PLEKHA1: variants seen among roughly 807,000 people sequenced by gnomAD.
PLEKHA1 encodes the protein pleckstrin homology domain-containing family A member 1.
PLEKHA1 carries 34 observed loss-of-function variants against 52.0 expected under a neutral mutation model. That is an observed-to-expected ratio of 0.65 (90% CI 0.50 to 0.87). PLEKHA1 has a LOEUF of 0.87. Ranked by LOEUF, PLEKHA1 falls within the 40% of genes least tolerant of loss-of-function variation. The pLI, the probability that PLEKHA1 is intolerant of heterozygous loss-of-function variation, is 0.00. For synonymous variants in PLEKHA1, 163 were observed against 170.7 expected, an observed-to-expected ratio of 0.95 and a Z score of 0.35; for missense variants, 497 against 504.2, an observed-to-expected ratio of 0.99 and a Z score of 0.14.
downstream of PLEKHA1, chr10:122,434,211 T>G (rs553167051): frequency 1.5e-4 from 23 of 152,338 alleles, no homozygotes; most frequent in Admixed American, 2.6e-4. Flanking sequence ...TAGCTGTGTT[T>G]TCTGGATACA....
At chr10:122,434,726 AC>A (rs2097432113), downstream of PLEKHA1, 1 of 26,432 alleles carries the variant, frequency 3.8e-5, no homozygotes, top group Non-Finnish European at 7.0e-5. Flanking sequence ...CCCTCCCCCC[AC>A]CCCCCAACAG....
chr10:122,395,772 C>T (rs567062744), intron 2 of PLEKHA1, among the ~76,000 whole-genome samples: 1 of 152,130 alleles, frequency 6.6e-6, no homozygotes, highest in South Asian at 2.1e-4. Flanking sequence ...TTTAAAAATT[C>T]TTTCTAGTGT....
chr10:122,384,608 CAAA>C lies in PLEKHA1; in HGVS notation c.-20-8556_-20-8554del, dbSNP rs59343401. 5.2e-3 allele frequency among the ~76,000 whole-genome samples: 615 copies of C among 118,946 alleles called. 3 individuals are homozygous for C. Among genetic ancestry groups the C allele is most frequent in the Admixed American group, 7.4e-3 (85 of 11,544 alleles). The allele number at this position is 118,946 out of a possible 152,430, so 78.0% of individuals were successfully genotyped here. The stretch of plus-strand genomic sequence containing the variant: ...TGGGTGACAGAGCGAGACTCTGTCT[CAAA>C]AAAAAAAAAAAAAAAATGACTTGTA... On this transcript the variant is annotated intron_variant, in intron 1 of 11. Coordinates refer to ENST00000368990, the MANE Select transcript of PLEKHA1 (RefSeq NM_001001974.4).
chr10:122,396,910 ATATAT>A (rs1479887031), intron 2 of PLEKHA1, among the ~76,000 whole-genome samples: 2 of 151,938 alleles, frequency 1.3e-5, no homozygotes, highest in Non-Finnish European at 2.9e-5. Context: ...TTATTATAAG[ATATAT>A]TATAAAAAGA....
rs2097302871 is a variant in PLEKHA1, at chr10:122,424,171, G to GGT, written c.682-28_682-27insGT. On this transcript the variant is annotated intron_variant, in intron 8 of 11. Coordinates refer to ENST00000368990, the MANE Select transcript of PLEKHA1 (RefSeq NM_001001974.4). Reference sequence around the variant, plus strand: ...TTTTAAGAATAAACATCATGTAACTGTTTTTTTTTTTTTTTTTTTTTTGCC... The same window carrying GGT: ...TTTTAAGAATAAACATCATGTAACTGGTTTTTTTTTTTTTTTTTTTTTTTGCC... 2.0e-5 allele frequency: 19 copies of GGT among 953,374 alleles called. No homozygotes were observed. In the East Asian group the frequency reaches 7.1e-4, roughly 36 times the overall value. The allele number at this position is 953,374 out of a possible 1,614,324, so 59.1% of individuals were successfully genotyped here. A position where few individuals can be genotyped will look rare whatever the true frequency, so the allele number is the denominator to read the frequency against.
chr10:122,417,645 CAA>C (rs373627172), intron 7 of PLEKHA1, among the ~76,000 whole-genome samples: 1,195 of 94,196 alleles, frequency 0.013, 8 homozygotes, highest in Non-Finnish European at 0.018. Context: ...GACTCTGTCT[CAA>C]AAAAAAAAAA....
chr10:122,423,133 AG>A (rs1200641112), intron 8 of PLEKHA1: 61 of 151,082 alleles, frequency 4.0e-4, no homozygotes, highest in Admixed American at 7.9e-4. Context: ...TTTTTAAAAA[AG>A]CACTCCCAGC....
intron 1 of PLEKHA1, among the ~76,000 whole-genome samples, chr10:122,379,037 A>G (rs1381606547): frequency 6.6e-6 from 1 of 152,200 alleles, no homozygotes; most frequent in Non-Finnish European, 1.5e-5. Flanking sequence ...TAACAGTGGC[A>G]GGCCATTGCA....
intron 5 of PLEKHA1, 95 bp downstream of exon 5, chr10:122,406,768 A>C: frequency 2.2e-6 from 2 of 909,842 alleles, no homozygotes; most frequent in Non-Finnish European, 3.5e-6. Flanking sequence ...GCTTACCAAC[A>C]GGTTTCATAC....
chr10:122,395,720 C>A (rs1204709321), intron 2 of PLEKHA1, among the ~76,000 whole-genome samples: 1 of 152,092 alleles, frequency 6.6e-6, no homozygotes, highest in African/African-American at 2.4e-5. Context: ...TAGGAAGCCA[C>A]TTCTTCCCCT....
At chr10:122,421,963 G>A (rs895213616) in intron 8 of PLEKHA1, 1 of 151,844 alleles carries the variant, frequency 6.6e-6, no homozygotes, top group Non-Finnish European at 1.5e-5. Context: ...TACAAGCTGA[G>A]CTCAGAAAGT....
intron 3 of PLEKHA1, among the ~76,000 whole-genome samples, chr10:122,398,691 GTAT>G (rs1488049259): frequency 6.6e-6 from 1 of 151,926 alleles, no homozygotes; most frequent in Non-Finnish European, 1.5e-5. Flanking sequence ...GGTAGCAACA[GTAT>G]TATTAAATAA....
chr10:122,391,834 T>G (rs74159126), intron 1 of PLEKHA1, among the ~76,000 whole-genome samples: 9,406 of 152,134 alleles, frequency 0.062, 1,017 homozygotes, highest in African/African-American at 0.22. Context: ...ACACACAAAC[T>G]TATTGGATGG....
intron 8 of PLEKHA1, chr10:122,418,709 A>T (rs960907672): frequency 3.9e-5 from 6 of 152,174 alleles, no homozygotes; most frequent in African/African-American, 7.2e-5. Flanking sequence ...GCCTTGTTTG[A>T]GTTGCATCCT....
chr10:122,406,207 C>G (rs2097012365), intron 4 of PLEKHA1, among the ~76,000 whole-genome samples: 1 of 151,936 alleles, frequency 6.6e-6, no homozygotes, highest in African/African-American at 2.4e-5. Flanking sequence ...TGTCTTTGAC[C>G]CAACAAATCT....
rs765456729 is a variant in PLEKHA1, at chr10:122,429,657, G to T, written c.934G>T (p.Ala312Ser). ...CCCCGGTCCTTCAGAATCCAAACAC[G>T]CTTTCCGTCCTACCAACGCAGCCAC... ...HPPGPSESKH[A>S]FRPTNAATAT... is the part of the protein sequence containing the mutation. The change falls in exon 12 of 12, where the codon GCT (alanine) becomes TCT (serine). Residue 312 changes from alanine to serine, a missense_variant. By Grantham distance (99) the Ala-to-Ser change is moderately conservative. Transcript: ENST00000368990. 1.1e-5 allele frequency: 18 copies of T among 1,613,872 alleles called. No individual in the cohort carries two copies. Among genetic ancestry groups the T allele is most frequent in the Non-Finnish European group, 1.5e-5 (18 of 1,179,996 alleles).
At chr10:122,428,708 G>A (rs571982599) in intron 11 of PLEKHA1, among the ~76,000 whole-genome samples, 2 of 152,070 alleles carry the variant, frequency 1.3e-5, no homozygotes, top group Non-Finnish European at 2.9e-5. Flanking sequence ...ATATGCATTG[G>A]ATAAACTGTA....
chr10:122,405,821 G>T lies in PLEKHA1; in HGVS notation c.245-755G>T, dbSNP rs74159127. Among the ~76,000 whole-genome samples, 77 of 152,172 alleles carry T rather than the reference G, an allele frequency of 5.1e-4. 1 individual carries two copies. Among genetic ancestry groups the T allele is most frequent in the African/African-American group, 1.8e-3 (76 of 41,522 alleles). On this transcript the variant is annotated intron_variant, in intron 4 of 11. Coordinates refer to ENST00000368990, the MANE Select transcript of PLEKHA1 (RefSeq NM_001001974.4). ...TATCCAAGGGGACTCTGCAAGGCTGGCATAGGGGGCAGGAAAAGGCTCCTA... is the reference window on the plus strand; with the variant it reads ...TATCCAAGGGGACTCTGCAAGGCTGTCATAGGGGGCAGGAAAAGGCTCCTA...
At chr10:122,401,166 A>T (rs1009638633) in intron 4 of PLEKHA1, among the ~76,000 whole-genome samples, 4 of 151,896 alleles carry the variant, frequency 2.6e-5, no homozygotes, top group African/African-American at 7.3e-5. Flanking sequence ...GGAGCTGAAC[A>T]CTCTGAAGCT....
Sources: gnomAD v4.1 joint callset for allele counts (sites outside exome capture counted in the v4.1 genomes callset) on GRCh38, gnomAD v4.1.1 for gene constraint, MANE v1.5 for transcripts, NCBI Gene and HGNC (gene_info 2026-07-23, HGNC 2026-07-21) for gene names.